The following DLG2 variants were observed in gnomAD, a reference collection of about 807,000 sequenced individuals.
DLG2 encodes disks large homolog 2.
In DLG2, 45 loss-of-function variants were observed where a neutral mutation model predicts 132.5. The observed-to-expected ratio is 0.34, with a 90% CI of 0.27 to 0.44. The LOEUF is 0.44. Among genes scored for constraint, DLG2 ranks in the 20% least tolerant of loss-of-function variants. The pLI, the probability that DLG2 is intolerant of heterozygous loss-of-function variation, is 1.00. For synonymous variants in DLG2, 424 were observed against 419.6 expected, an observed-to-expected ratio of 1.01 and a Z score of -0.13; for missense variants, 1,045 against 1,196.9, an observed-to-expected ratio of 0.87 and a Z score of 1.87.
chr11:84,759,194 AAAGT>A (rs1336311552), intron 6 of DLG2, among the ~76,000 whole-genome samples: 3 of 152,146 alleles, frequency 2.0e-5, no homozygotes, highest in Non-Finnish European at 2.9e-5. Context: ...TATTAATTCT[AAAGT>A]AAGTAACCAT....
intron 7 of DLG2, among the ~76,000 whole-genome samples, chr11:84,488,618 A>C (rs2099156848): frequency 6.6e-6 from 1 of 152,066 alleles, no homozygotes; most frequent in Non-Finnish European, 1.5e-5. Context: ...AAGACAGCTT[A>C]CTCTGCTTCC....
chr11:85,391,781 C>A (rs2086819812), intron 3 of DLG2, among the ~76,000 whole-genome samples: 1 of 152,072 alleles, frequency 6.6e-6, no homozygotes, highest in South Asian at 2.1e-4. Flanking sequence ...ATACAAGGGA[C>A]ACACCTTAAG....
At chr11:84,404,563 GGTAAATACGT>G (rs2098842003) in intron 7 of DLG2, among the ~76,000 whole-genome samples, 1 of 151,960 alleles carries the variant, frequency 6.6e-6, no homozygotes, top group South Asian at 2.1e-4. Context: ...GTAGCTATTA[GGTAAATACGT>G]GTCTAGTAAT....
At chr11:83,743,498 C>A (rs1430188074) in intron 18 of DLG2, among the ~76,000 whole-genome samples, 1 of 134,782 alleles carries the variant, frequency 7.4e-6, no homozygotes, top group Non-Finnish European at 1.5e-5. Flanking sequence ...GTGATGTAAA[C>A]ACAGTTCACA....
chr11:85,544,802 C>T (rs553139252), intron 3 of DLG2, among the ~76,000 whole-genome samples: 12 of 151,486 alleles, frequency 7.9e-5, no homozygotes, highest in African/African-American at 2.2e-4. Context: ...GTGTTACTGG[C>T]GTATAAGAAC....
At chr11:85,102,236 G>C (rs755918372) in intron 6 of DLG2, among the ~76,000 whole-genome samples, 2 of 151,988 alleles carry the variant, frequency 1.3e-5, no homozygotes, top group African/African-American at 4.8e-5. Context: ...GCTCCCCTAC[G>C]TGCTGATGAT....
chr11:83,972,348 A>G (rs1347857920), intron 12 of DLG2, among the ~76,000 whole-genome samples: 2 of 152,148 alleles, frequency 1.3e-5, no homozygotes, highest in African/African-American at 2.4e-5. Context: ...TGTTTATGAG[A>G]AAAGAATAAT....
intron 25 of DLG2, among the ~76,000 whole-genome samples, chr11:83,467,750 CAAAA>C (rs1224282688): frequency 9.6e-6 from 1 of 104,438 alleles, no homozygotes; most frequent in Non-Finnish European, 1.9e-5. Context: ...AATGCCATCT[CAAAA>C]AAAATAAAAA....
At chr11:84,135,784 C>G (rs1431058642) in intron 9 of DLG2, among the ~76,000 whole-genome samples, 6 of 152,074 alleles carry the variant, frequency 3.9e-5, no homozygotes, top group Non-Finnish European at 5.9e-5. Context: ...CGGAATTTAT[C>G]TAAAAGTCAG....
intron 3 of DLG2, among the ~76,000 whole-genome samples, chr11:85,539,530 G>A (rs2075822728): frequency 6.6e-6 from 1 of 152,178 alleles, no homozygotes; most frequent in South Asian, 2.1e-4. Flanking sequence ...TAATGGGTAT[G>A]AGCTTTCTTT....
At chr11:84,310,224 T>C (rs983371551) in intron 7 of DLG2, among the ~76,000 whole-genome samples, 13 of 152,190 alleles carry the variant, frequency 8.5e-5, no homozygotes, top group Non-Finnish European at 1.3e-4. Context: ...CAAAAGGTCT[T>C]ATTTTTGCAA....
At chr11:84,421,796 C>T (rs945182425) in intron 7 of DLG2, among the ~76,000 whole-genome samples, 2 of 152,214 alleles carry the variant, frequency 1.3e-5, no homozygotes, top group African/African-American at 4.8e-5. Flanking sequence ...TTTCCTGCAG[C>T]TTCATGAAAA....
chr11:84,775,801 C>T (rs898205573), intron 6 of DLG2, among the ~76,000 whole-genome samples: 26 of 152,110 alleles, frequency 1.7e-4, no homozygotes, highest in African/African-American at 6.0e-4. Flanking sequence ...ACTATGCTTG[C>T]TCTTTGGGTA....
At chr11:85,570,809 C>T (rs1408542153) in intron 3 of DLG2, among the ~76,000 whole-genome samples, 4 of 152,126 alleles carry the variant, frequency 2.6e-5, no homozygotes, top group Admixed American at 2.6e-4. Flanking sequence ...TGTTTCCTCT[C>T]TGTTCCTCAA....
intron 18 of DLG2, among the ~76,000 whole-genome samples, chr11:83,733,596 G>A (rs958416741): frequency 1.1e-4 from 16 of 152,108 alleles, no homozygotes; most frequent in African/African-American, 3.4e-4. Context: ...TTGTTACTTC[G>A]GTAGCTGCTC....
intron 15 of DLG2, among the ~76,000 whole-genome samples, chr11:83,924,010 T>C (rs1220961063): frequency 1.3e-5 from 2 of 152,050 alleles, no homozygotes; most frequent in Admixed American, 1.3e-4. Flanking sequence ...GCCACACAGG[T>C]AGTCTGGTAG....
At chr11:83,686,591 T>C (rs2079825069) in intron 18 of DLG2, among the ~76,000 whole-genome samples, 1 of 151,594 alleles carries the variant, frequency 6.6e-6, no homozygotes, top group Admixed American at 6.6e-5. Context: ...ATATGTAATA[T>C]GTATTTATTA....
chr11:84,724,838 G>A (rs1441613420), intron 6 of DLG2, among the ~76,000 whole-genome samples: 1 of 152,088 alleles, frequency 6.6e-6, no homozygotes, highest in Non-Finnish European at 1.5e-5. Flanking sequence ...AGCCCATGTT[G>A]TCCATTGGCA....
intron 16 of DLG2, among the ~76,000 whole-genome samples, chr11:83,858,135 A>C (rs114105925): frequency 6.6e-6 from 1 of 152,168 alleles, no homozygotes; most frequent in African/African-American, 2.4e-5. Context: ...CAAATATGCA[A>C]CGTGTCTGTT....
Sources: allele counts gnomAD v4.1 joint callset (sites outside exome capture counted in the v4.1 genomes callset), GRCh38; gene constraint gnomAD v4.1.1; transcripts MANE v1.5; gene names NCBI Gene and HGNC (gene_info 2026-07-23, HGNC 2026-07-21).